Variants in AGAP1 observed in about 807,000 individuals in gnomAD.
The protein encoded by AGAP1 is ArfGAP with GTPase domain, ankyrin repeat and PH domain 1.
A neutral mutation model predicts 105.3 loss-of-function variants in AGAP1; 29 were observed. The observed-to-expected ratio is 0.28, with a 90% CI of 0.21 to 0.38. The LOEUF is 0.38. Among genes scored for constraint, AGAP1 ranks in the 10% least tolerant of loss-of-function variants. The probability of loss-of-function intolerance (pLI) is 1.00; values close to 1 mark genes in which losing one functional copy is unlikely to be tolerated. For synonymous variants in AGAP1, 509 were observed against 485.9 expected (o/e 1.05, Z -0.63); for missense variants, 998 against 1,165.1 (o/e 0.86, Z 2.09).
At chr2:235,765,235 G>A (rs1409074848) in intron 6 of AGAP1, among the ~76,000 whole-genome samples, 5 of 120,650 alleles carry the variant, frequency 4.1e-5, no homozygotes, top group Non-Finnish European at 6.9e-5. Flanking sequence ...GTATCTGGGA[G>A]CGTCCGTGGG....
intron 9 of AGAP1, among the ~76,000 whole-genome samples, chr2:235,816,345 G>A (rs1475707025): frequency 6.6e-6 from 1 of 151,446 alleles, no homozygotes; most frequent in Non-Finnish European, 1.5e-5. Context: ...GCCTGAGGCA[G>A]GAGAATCGCA....
intron 9 of AGAP1, among the ~76,000 whole-genome samples, chr2:235,858,806 G>A (rs917276374): frequency 4.6e-5 from 7 of 152,166 alleles, no homozygotes; most frequent in Non-Finnish European, 1.5e-5. Context: ...CAGTAACAGT[G>A]CTCACACCCA....
At position 235,936,605 on chromosome 2, in the gene AGAP1, A is replaced by G. The variant is rs530729937; in HGVS notation, c.1483+5682A>G. 1.5e-3 allele frequency among the ~76,000 whole-genome samples: 223 copies of G among 152,294 alleles called. 1 individual carries two copies. Among genetic ancestry groups the G allele is most frequent in the African/African-American group, 5.0e-3 (209 of 41,572 alleles). ...ACACCATTCATCAATTTTAATCATT[A>G]TAGTTGGAGCATTTTTTTTCTCTTC... is the stretch of plus-strand genomic sequence containing the variant. On this transcript the variant is annotated intron_variant, in intron 12 of 17. Coordinates refer to ENST00000304032, the MANE Select transcript of AGAP1 (RefSeq NM_001037131.3). This position sits in a 1 kb window ranked among gnomAD's most constrained non-coding sequence, Gnocchi z 4.7.
rs1193372970 is a variant in AGAP1, at chr2:236,127,988, G to A, written c.*3866G>A. ...TAACAGAAACACTGATGGGACCGAAGCCAGTGCACACACCAGGAAACCTGC... is the reference window on the plus strand; with the variant it reads ...TAACAGAAACACTGATGGGACCGAAACCAGTGCACACACCAGGAAACCTGC... On this transcript the variant is annotated 3_prime_UTR_variant, in exon 18 of 18. Transcript: ENST00000304032. This position sits in a 1 kb window ranked among gnomAD's most constrained non-coding sequence, Gnocchi z 6.6. 1 of 152,128 alleles carries A rather than the reference G, an allele frequency of 6.6e-6. No homozygotes were observed. The highest frequency in any genetic ancestry group is 1.9e-4 in the East Asian group (1 of 5,160). The allele number at this position is 152,128 out of a possible 1,614,324, so 9.4% of individuals were successfully genotyped here.
intron 1 of AGAP1, among the ~76,000 whole-genome samples, chr2:235,575,036 T>A (rs1944687262): frequency 6.6e-6 from 1 of 152,092 alleles, no homozygotes; most frequent in Non-Finnish European, 1.5e-5. Context: ...GGTGGGATGA[T>A]CGCTGGAGCT....
In AGAP1 at chr2:235,601,849, A is replaced by G. The variant is rs1341989423; in HGVS notation, c.163+107000A>G. Among the ~76,000 whole-genome samples, 1 of 152,140 alleles carries G rather than the reference A, an allele frequency of 6.6e-6. No individual in the cohort carries two copies. Among genetic ancestry groups the G allele is most frequent in the Non-Finnish European group, 1.5e-5 (1 of 68,016 alleles). ...CAGGCCCTGTTTTTCTGGTACAGTC[A>G]CACTGGAGGTTCAACACAATCCAGC... On this transcript the variant is annotated intron_variant, in intron 1 of 17. Transcript: ENST00000304032. The surrounding 1 kb of genome is among the most constrained non-coding windows in gnomAD (Gnocchi z 4.4).
chr2:235,983,575 A>C lies in AGAP1; in HGVS notation c.1645+14952A>C, dbSNP rs1166541910. 6.6e-6 allele frequency among the ~76,000 whole-genome samples: 1 copy of C among 151,962 alleles called. No homozygotes were observed. Among genetic ancestry groups the C allele is most frequent in the Non-Finnish European group, 1.5e-5 (1 of 68,018 alleles). On this transcript the variant is annotated intron_variant, in intron 13 of 17. Coordinates refer to ENST00000304032, the MANE Select transcript of AGAP1 (RefSeq NM_001037131.3). This position sits in a 1 kb window ranked among gnomAD's most constrained non-coding sequence, Gnocchi z 4.5. ...GTGGCAAAATACAGTCATGCATCAC[A>C]TTACAACATTTTGTTCAATGATGGA...
intron 1 of AGAP1, among the ~76,000 whole-genome samples, chr2:235,546,853 T>C (rs1050109476): frequency 3.9e-5 from 6 of 152,292 alleles, no homozygotes; most frequent in South Asian, 4.1e-4. Flanking sequence ...AAGGTTTTTA[T>C]CTAGATGCTG....
At chr2:235,562,591 C>G (rs916480549) in intron 1 of AGAP1, among the ~76,000 whole-genome samples, 3 of 152,130 alleles carry the variant, frequency 2.0e-5, no homozygotes, top group Admixed American at 6.5e-5. Context: ...TCAGGACTAT[C>G]TCTGAGTCCT....
At chr2:235,771,096 T>G (rs1222315714) in intron 6 of AGAP1, among the ~76,000 whole-genome samples, 1 of 152,216 alleles carries the variant, frequency 6.6e-6, no homozygotes, top group African/African-American at 2.4e-5. Context: ...GGCCCACAGA[T>G]AACTGCTCAC....
rs1188446956 is a variant in AGAP1, at chr2:236,044,722, TC to T, written c.1891+3884del. The stretch of plus-strand genomic sequence containing the variant: ...CCGGTCCCGCAACGTCGGGTCTCCT[TC>T]CCATTGTCGCCTCTTAGTCCTTCCC... On this transcript the variant is annotated intron_variant, in intron 15 of 17. Transcript: ENST00000304032. This position sits in a 1 kb window ranked among gnomAD's most constrained non-coding sequence, Gnocchi z 5.7. Among the ~76,000 whole-genome samples the T allele has an allele frequency of 4.6e-5, 7 of 151,940 alleles. No homozygotes were observed. The highest frequency in any genetic ancestry group is 1.7e-4 in the African/African-American group (7 of 41,366).
intron 6 of AGAP1, among the ~76,000 whole-genome samples, chr2:235,758,125 A>AGTGTGTGTGTGCATGCGTGC (rs953793079): frequency 1.3e-5 from 2 of 151,030 alleles, no homozygotes; most frequent in Non-Finnish European, 2.9e-5. Flanking sequence ...GATTGGAACT[A>AGTGTGTGTGTGCATGCGTGC]GTGTGTGTGT....
chr2:235,839,135 T>C (rs1960509103), intron 9 of AGAP1, among the ~76,000 whole-genome samples: 1 of 152,300 alleles, frequency 6.6e-6, no homozygotes, highest in Non-Finnish European at 1.5e-5. Flanking sequence ...GGGGCCTGAG[T>C]CTGCATTTAC....
At chr2:236,094,617 G>T (rs1360790472) in intron 16 of AGAP1, among the ~76,000 whole-genome samples, 1 of 152,024 alleles carries the variant, frequency 6.6e-6, no homozygotes, top group Non-Finnish European at 1.5e-5. Flanking sequence ...CTCCCAAAGC[G>T]CTGGAATTAC....
In AGAP1 at chr2:236,120,468, G is replaced by T; in HGVS notation, c.2370+21G>T. The T allele has an allele frequency of 6.2e-7, 1 of 1,610,588 alleles. No homozygotes were observed. Among genetic ancestry groups the T allele is most frequent in the Non-Finnish European group, 8.5e-7 (1 of 1,179,414 alleles). The stretch of plus-strand genomic sequence containing the variant: ...TCTGGGTAGGTGGTCGGCACGCCTG[G>T]CAGAGGACGGGGCCACAGGAGGCAC... On this transcript the variant is annotated intron_variant, in intron 17 of 17. Coordinates refer to ENST00000304032, the MANE Select transcript of AGAP1 (RefSeq NM_001037131.3). This position sits in a 1 kb window ranked among gnomAD's most constrained non-coding sequence, Gnocchi z 6.0.
chr2:235,611,810 A>ATAT lies in AGAP1; in HGVS notation c.164-97368_164-97366dup, dbSNP rs1946135140. ...TTCATTTCCTACCTTTGTAGTTTTC[A>ATAT]TATAAATTAGATTTACATAGGAGAC... On this transcript the variant is annotated intron_variant, in intron 1 of 17. Coordinates refer to ENST00000304032, the MANE Select transcript of AGAP1 (RefSeq NM_001037131.3). The surrounding 1 kb of genome is among the most constrained non-coding windows in gnomAD (Gnocchi z 5.0). 6.6e-6 allele frequency among the ~76,000 whole-genome samples: 1 copy of ATAT among 152,210 alleles called. No homozygotes were observed. The highest frequency in any genetic ancestry group is 2.4e-5 in the African/African-American group (1 of 41,458).
rs946637783 is a variant in AGAP1, at chr2:235,866,709, G to A, written c.1051-16636G>A. Among the ~76,000 whole-genome samples, 2 of 152,200 alleles carry A rather than the reference G, an allele frequency of 1.3e-5. No individual in the cohort carries two copies. The highest frequency in any genetic ancestry group is 2.9e-5 in the Non-Finnish European group (2 of 68,042). On this transcript the variant is annotated intron_variant, in intron 9 of 17. Coordinates refer to ENST00000304032, the MANE Select transcript of AGAP1 (RefSeq NM_001037131.3). The surrounding 1 kb of genome is among the most constrained non-coding windows in gnomAD (Gnocchi z 6.1). The stretch of plus-strand genomic sequence containing the variant: ...TTATTGTCTCCCAATTCTGGAGGCT[G>A]GAAGTCTTGGATCAAGGCCTCAGTG...
rs1457186961 is a variant in AGAP1 at position 235,725,709 on chromosome 2, C to T, written c.310+8065C>T. ...TTGGTTTAATAGATAAAGCAGAAGT[C>T]AGTTCAGCCATCTTCACTGATGATT... On this transcript the variant is annotated intron_variant, in intron 3 of 17. Transcript: ENST00000304032. The surrounding 1 kb of genome is among the most constrained non-coding windows in gnomAD (Gnocchi z 5.7). Among the ~76,000 whole-genome samples the T allele has an allele frequency of 6.6e-6, 1 of 152,152 alleles. No individual in the cohort carries two copies. The highest frequency in any genetic ancestry group is 1.5e-5 in the Non-Finnish European group (1 of 68,034).
chr2:235,591,353 TTGAC>T (rs1174939794), intron 1 of AGAP1, among the ~76,000 whole-genome samples: 1 of 152,194 alleles, frequency 6.6e-6, no homozygotes, highest in Non-Finnish European at 1.5e-5. Context: ...CGGGAATGAA[TTGAC>T]TGAACGAGGG....
Sources: gnomAD v4.1 joint callset for allele counts (sites outside exome capture counted in the v4.1 genomes callset) on GRCh38, gnomAD v4.1.1 for gene constraint, Gnocchi (gnomAD v3.1) non-coding constraint, MANE v1.5 for transcripts, NCBI Gene and HGNC (gene_info 2026-07-23, HGNC 2026-07-21) for gene names.